Variants in HIBADH observed in about 807,000 individuals in gnomAD.
HIBADH encodes 3-hydroxyisobutyrate dehydrogenase, mitochondrial.
A neutral mutation model predicts 36.1 loss-of-function variants in HIBADH; 25 were observed. The ratio of observed to expected loss-of-function variants is 0.69; its 90% CI spans 0.50 to 0.97. The LOEUF is 0.97. Ranked by LOEUF, HIBADH falls within the 50% of genes least tolerant of loss-of-function variation. HIBADH has a pLI of 0.00. For synonymous variants in HIBADH, 160 were observed against 149.5 expected (o/e 1.07, Z -0.51); for missense variants, 421 against 418.0 (o/e 1.01, Z -0.06).
chr7:27,530,228 C>A (rs1010346201), intron 7 of HIBADH, among the ~76,000 whole-genome samples: 3 of 151,328 alleles, frequency 2.0e-5, no homozygotes, highest in Non-Finnish European at 4.4e-5. Flanking sequence ...CTATTTGAGA[C>A]GAAGTCTCAC....
chr7:27,625,224 T>C lies in HIBADH; in HGVS notation c.484+4147A>G, dbSNP rs1157802743. On this transcript the variant is annotated intron_variant, in intron 4 of 7. Transcript: ENST00000265395. ...GGCTACACGTGTCTACAGAAAGGCA[T>C]ACCTTTTTCTTTATACAAAGGTTCG... Among the ~76,000 whole-genome samples, 5 of 152,184 alleles carry C rather than the reference T, an allele frequency of 3.3e-5. No homozygotes were observed. The South Asian group carries it at 1.0e-3, about 31-fold the overall frequency.
intron 1 of HIBADH, among the ~76,000 whole-genome samples, chr7:27,660,133 T>C (rs929872217): frequency 8.5e-5 from 13 of 152,192 alleles, no homozygotes; most frequent in Non-Finnish European, 1.8e-4. Flanking sequence ...AAACAGTAAA[T>C]TATATAGCTC....
chr7:27,613,741 C>T (rs1785376742), intron 4 of HIBADH, among the ~76,000 whole-genome samples: 1 of 151,030 alleles, frequency 6.6e-6, no homozygotes, highest in South Asian at 2.1e-4. Context: ...TCACTGCAAC[C>T]TCCACCTTCC....
chr7:27,527,918 GT>G (rs746260280), intron 7 of HIBADH, among the ~76,000 whole-genome samples: 5,843 of 61,244 alleles, frequency 0.095, 186 homozygotes, highest in Middle Eastern at 0.15. Flanking sequence ...CACACCCAGC[GT>G]TTTTTTTTTT....
At chr7:27,599,478 C>T (rs1164380246) in intron 4 of HIBADH, among the ~76,000 whole-genome samples, 2 of 151,760 alleles carry the variant, frequency 1.3e-5, no homozygotes, top group African/African-American at 4.8e-5. Context: ...GTCAGGAGAT[C>T]GAGACGATCC....
In HIBADH at chr7:27,642,642, G is replaced by GT. The variant is rs71555706; in HGVS notation, c.252+6830dup. On this transcript the variant is annotated intron_variant, in intron 2 of 7. Transcript: ENST00000265395. ...CTTTCGCTGTCTGCCTAAATGTCTAGTTTTTTTTTTTTTTTTTTTTTTTTT... is the reference window on the plus strand; with the variant it reads ...CTTTCGCTGTCTGCCTAAATGTCTAGTTTTTTTTTTTTTTTTTTTTTTTTTT... 1.5e-3 allele frequency among the ~76,000 whole-genome samples: 142 copies of GT among 97,434 alleles called. 1 individual carries two copies. Among genetic ancestry groups the GT allele is most frequent in the Non-Finnish European group, 1.9e-3 (101 of 51,862 alleles). The allele number at this position is 97,434 out of a possible 152,430, so 63.9% of individuals were successfully genotyped here.
At chr7:27,598,164 T>C (rs1427277767) in intron 4 of HIBADH, among the ~76,000 whole-genome samples, 1 of 152,106 alleles carries the variant, frequency 6.6e-6, no homozygotes, top group Non-Finnish European at 1.5e-5. Flanking sequence ...TAAAAGCTAT[T>C]AGAAGTACAC....
At chr7:27,603,313 G>C (rs562343183) in intron 4 of HIBADH, among the ~76,000 whole-genome samples, 4 of 152,084 alleles carry the variant, frequency 2.6e-5, no homozygotes, top group African/African-American at 9.6e-5. Context: ...CAATTTCATT[G>C]TTTTTTTGTA....
intron 4 of HIBADH, among the ~76,000 whole-genome samples, chr7:27,572,619 A>T (rs1784645137): frequency 6.6e-6 from 1 of 152,208 alleles, no homozygotes; most frequent in Admixed American, 6.5e-5. Context: ...AAGACTTTCC[A>T]TGAAAGTAAT....
intron 4 of HIBADH, among the ~76,000 whole-genome samples, chr7:27,550,702 T>TA (rs1214770912): frequency 1.3e-5 from 2 of 152,196 alleles, no homozygotes; most frequent in Non-Finnish European, 2.9e-5. Flanking sequence ...ATAAAGCACT[T>TA]ACACTACTCT....
At chr7:27,564,459 A>C (rs1229604) in intron 4 of HIBADH, among the ~76,000 whole-genome samples, 145,828 of 152,270 alleles carry the variant, frequency 0.96, 69,886 homozygotes, top group East Asian at 1. Flanking sequence ...GCCTTTGCAC[A>C]TTTGTCAAAA....
At chr7:27,660,581 C>T (rs1786395756) in intron 1 of HIBADH, among the ~76,000 whole-genome samples, 1 of 151,774 alleles carries the variant, frequency 6.6e-6, no homozygotes, top group South Asian at 2.1e-4. Context: ...AGGAGAATGG[C>T]GTGAACCTGG....
At chr7:27,529,108 T>C (rs1025173674) in intron 7 of HIBADH, among the ~76,000 whole-genome samples, 1 of 152,218 alleles carries the variant, frequency 6.6e-6, no homozygotes, top group African/African-American at 2.4e-5. Context: ...TGAGACCTAC[T>C]GGTCAGAAGA....
chr7:27,607,274 G>A (rs922475548), intron 4 of HIBADH, among the ~76,000 whole-genome samples: 7 of 152,090 alleles, frequency 4.6e-5, no homozygotes, highest in South Asian at 2.1e-4. Context: ...TTGAGAGACC[G>A]AGGTGGGCAG....
chr7:27,546,212 C>T (rs1784233761), intron 4 of HIBADH, among the ~76,000 whole-genome samples: 2 of 152,106 alleles, frequency 1.3e-5, no homozygotes, highest in South Asian at 4.1e-4. Flanking sequence ...AAGCAATCCT[C>T]CCACCTCAGC....
intron 4 of HIBADH, among the ~76,000 whole-genome samples, chr7:27,589,740 A>T (rs1562633628): frequency 6.6e-6 from 1 of 152,202 alleles, no homozygotes; most frequent in African/African-American, 2.4e-5. Flanking sequence ...ACTTCTCTGT[A>T]TATAAAATGA....
At chr7:27,646,927 C>CT (rs1477357361) in intron 2 of HIBADH, among the ~76,000 whole-genome samples, 2 of 152,192 alleles carry the variant, frequency 1.3e-5, no homozygotes, top group East Asian at 3.9e-4. Flanking sequence ...AACTCCTGGC[C>CT]TCAGGTGATC....
chr7:27,606,176 G>A (rs62456952), intron 4 of HIBADH, among the ~76,000 whole-genome samples: 15,757 of 152,166 alleles, frequency 0.1, 979 homozygotes, highest in Non-Finnish European at 0.14. Flanking sequence ...ATATGGGGGA[G>A]GGGGTAAGAT....
At chr7:27,551,969 C>A (rs964024867) in intron 4 of HIBADH, among the ~76,000 whole-genome samples, 1 of 152,118 alleles carries the variant, frequency 6.6e-6, no homozygotes, top group Non-Finnish European at 1.5e-5. Context: ...GGACCATTTA[C>A]GACTTGCTAT....
Sources: allele counts gnomAD v4.1 joint callset (sites outside exome capture counted in the v4.1 genomes callset), GRCh38; gene constraint gnomAD v4.1.1; transcripts MANE v1.5; gene names NCBI Gene and HGNC (gene_info 2026-07-23, HGNC 2026-07-21).